NAV1: variants seen among roughly 807,000 people sequenced by gnomAD.
The protein encoded by NAV1 is pore membrane and/or filament interacting like protein 3.
Under a neutral mutation model 175.2 loss-of-function variants are expected in NAV1, and 18 were observed. The ratio of observed to expected loss-of-function variants is 0.10; its 90% confidence interval spans 0.07 to 0.15. The LOEUF is 0.15. NAV1 is among the 10% of genes least tolerant of loss of function. The probability of loss-of-function intolerance (pLI) is 1.00; values close to 1 mark genes in which losing one functional copy is unlikely to be tolerated. For synonymous variants in NAV1, 897 were observed against 978.7 expected, an observed-to-expected ratio of 0.92 and a Z score of 1.56; for missense variants, 1,731 against 2,436.6, an observed-to-expected ratio of 0.71 and a Z score of 6.10.
At chr1:201,555,729 C>A (rs1041968666) in intron 1 of NAV1, among the ~76,000 whole-genome samples, 12 of 152,046 alleles carry the variant, frequency 7.9e-5, no homozygotes, top group African/African-American at 2.9e-4. Context: ...TCTTCCTGTG[C>A]AGGAAACACA....
chr1:201,556,269 T>A (rs1413995120), intron 1 of NAV1, among the ~76,000 whole-genome samples: 1 of 151,802 alleles, frequency 6.6e-6, no homozygotes, highest in Non-Finnish European at 1.5e-5. Context: ...AATAAAAAAA[T>A]TAGTCGGGCA....
chr1:201,799,188 G>T (rs1026860143), intron 15 of NAV1, among the ~76,000 whole-genome samples: 1 of 151,988 alleles, frequency 6.6e-6, no homozygotes, highest in African/African-American at 2.4e-5. Flanking sequence ...GTGTGTGTGT[G>T]TGTGTGTGGA....
intron 2 of NAV1, among the ~76,000 whole-genome samples, chr1:201,599,267 T>A (rs114314139): frequency 0.017 from 2,644 of 152,300 alleles, 79 homozygotes; most frequent in African/African-American, 0.06. Flanking sequence ...CCAATCTTTA[T>A]GGCTAGAGGA....
rs936798951 is a variant in NAV1, at chr1:201,750,092, A to G, written c.1227-30329A>G. Among the ~76,000 whole-genome samples the G allele has an allele frequency of 6.6e-6, 1 of 152,168 alleles. No individual in the cohort carries two copies. Among genetic ancestry groups the G allele is most frequent in the African/African-American group, 2.4e-5 (1 of 41,432 alleles). On this transcript the variant is annotated intron_variant, in intron 3 of 29. Coordinates refer to ENST00000367296, the Ensembl canonical transcript of NAV1. The surrounding 1 kb of genome is among the most constrained non-coding windows in gnomAD (Gnocchi z 4.1). ...ATGCACTGTAGGTATGGGTGTGAAG[A>G]CTCAAGTTGGAAAAGCAGAAGTGTA...
chr1:201,711,702 G>A lies in NAV1; in HGVS notation c.758-1115G>A, dbSNP rs545358639. Among the ~76,000 whole-genome samples, 83 of 152,320 alleles carry A rather than the reference G, an allele frequency of 5.4e-4. 3 individuals carry two copies. The South Asian group carries it at 0.015, about 28-fold the overall frequency. On this transcript the variant is annotated intron_variant, in intron 1 of 29. Transcript: ENST00000367296. ...ACTCTCTCCTGCAGATTGTCTTTTA[G>A]GGAGGTACTGGGGGACTTGGTTCCA... is the stretch of plus-strand genomic sequence containing the variant.
At position 201,539,652 on chromosome 1, in the gene NAV1, T is replaced by C. The variant is rs1041056032; in HGVS notation, c.-144+310T>C. ...CAGTCCCTCTGAGCCTCAGTTTCCT[T>C]GTTGTGAAATACCCACAATTTAAAG... On this transcript the variant is annotated intron_variant, in intron 1 of 33. Transcript: ENST00000685211. This position sits in a 1 kb window ranked among gnomAD's most constrained non-coding sequence, Gnocchi z 5.6. 8.5e-5 allele frequency among the ~76,000 whole-genome samples: 13 copies of C among 152,140 alleles called. No individual in the cohort carries two copies. Among genetic ancestry groups the C allele is most frequent in the African/African-American group, 3.1e-4 (13 of 41,428 alleles).
At chr1:201,568,466 T>C (rs1185172135) in intron 1 of NAV1, among the ~76,000 whole-genome samples, 1 of 152,066 alleles carries the variant, frequency 6.6e-6, no homozygotes, top group Non-Finnish European at 1.5e-5. Flanking sequence ...TTTTGGGTGG[T>C]GGTATGTCTG....
chr1:201,751,021 A>G (rs1389972922), intron 3 of NAV1, among the ~76,000 whole-genome samples: 1 of 152,236 alleles, frequency 6.6e-6, no homozygotes, highest in East Asian at 1.9e-4. Flanking sequence ...GGATTATGCC[A>G]AAAGTCCTAG....
intron 1 of NAV1, among the ~76,000 whole-genome samples, chr1:201,675,467 A>T (rs1420150950): frequency 6.6e-6 from 1 of 152,176 alleles, no homozygotes; most frequent in African/African-American, 2.4e-5. Context: ...GAGAGATAAA[A>T]GTCCCTGCTT....
At chr1:201,719,582 A>C (rs1431659716) in intron 3 of NAV1, 1 of 151,588 alleles carries the variant, frequency 6.6e-6, no homozygotes, top group East Asian at 2.1e-4. Context: ...AGAAGAGAGG[A>C]TAGGAAGAAT....
At chr1:201,663,315 G>A (rs1311386756) in intron 1 of NAV1, among the ~76,000 whole-genome samples, 2 of 152,368 alleles carry the variant, frequency 1.3e-5, no homozygotes, top group East Asian at 3.9e-4. Context: ...ACCGTGAGAT[G>A]TGGAGAAGAT....
chr1:201,632,973 T>C (rs762752680), intron 2 of NAV1, among the ~76,000 whole-genome samples: 4 of 152,232 alleles, frequency 2.6e-5, no homozygotes, highest in Admixed American at 6.5e-5. Context: ...GAATGGTAAC[T>C]ACTCTCTGGG....
At chr1:201,615,149 T>C (rs1423184908) in intron 2 of NAV1, among the ~76,000 whole-genome samples, 1 of 152,184 alleles carries the variant, frequency 6.6e-6, no homozygotes, top group Admixed American at 6.5e-5. Flanking sequence ...TCACCTGCCA[T>C]CCACCAGACT....
chr1:201,552,918 G>T (rs559898813), intron 1 of NAV1, among the ~76,000 whole-genome samples: 33 of 152,258 alleles, frequency 2.2e-4, no homozygotes, highest in Admixed American at 6.5e-4. Flanking sequence ...GGGTGGAAGG[G>T]TTATCTGTGG....
At chr1:201,595,091 C>T (rs1401185190) in intron 2 of NAV1, among the ~76,000 whole-genome samples, 1 of 152,228 alleles carries the variant, frequency 6.6e-6, no homozygotes, top group East Asian at 1.9e-4. Flanking sequence ...CCAAGCACAC[C>T]TCCAAGGCTG....
intron 1 of NAV1, among the ~76,000 whole-genome samples, chr1:201,570,825 C>A (rs1409710851): frequency 1.3e-5 from 2 of 152,248 alleles, no homozygotes; most frequent in African/African-American, 4.8e-5. Context: ...GCTGCCTCCA[C>A]ACATTCTCCA....
At chr1:201,645,041 C>G (rs1330701425), upstream of NAV1, among the ~76,000 whole-genome samples, 1 of 152,050 alleles carries the variant, frequency 6.6e-6, no homozygotes, top group Non-Finnish European at 1.5e-5. Flanking sequence ...ATTTGAGAGC[C>G]CATTACTGGG....
chr1:201,729,545 G>A (rs951016441), intron 3 of NAV1, among the ~76,000 whole-genome samples: 1 of 151,970 alleles, frequency 6.6e-6, no homozygotes, highest in Admixed American at 6.6e-5. Flanking sequence ...GGAGGCTGAG[G>A]CACGAGAATT....
intron 3 of NAV1, among the ~76,000 whole-genome samples, chr1:201,734,850 A>G (rs927051920): frequency 6.6e-6 from 1 of 152,066 alleles, no homozygotes; most frequent in Non-Finnish European, 1.5e-5. Context: ...AAAGCCACTG[A>G]TGTGTTGGGA....
Sources: allele counts gnomAD v4.1 joint callset (sites outside exome capture counted in the v4.1 genomes callset), GRCh38; gene constraint gnomAD v4.1.1; non-coding constraint Gnocchi (gnomAD v3.1); transcripts MANE v1.5; gene names NCBI Gene and HGNC (gene_info 2026-07-23, HGNC 2026-07-21).